Variants in CSF2RB observed in about 807,000 individuals in gnomAD.
CSF2RB encodes cytokine receptor common subunit beta.
CSF2RB carries 22 observed loss-of-function variants against 67.2 expected under a neutral mutation model. That is an observed-to-expected ratio of 0.33 (90% CI 0.23 to 0.47). The LOEUF is 0.47. Ranked by LOEUF, CSF2RB falls within the 20% of genes least tolerant of loss-of-function variation. The probability of loss-of-function intolerance (pLI) is 1.00; values close to 1 mark genes in which losing one functional copy is unlikely to be tolerated. For synonymous variants in CSF2RB, 507 were observed against 482.9 expected, an observed-to-expected ratio of 1.05 and a Z score of -0.65; for missense variants, 1,113 against 1,174.5, an observed-to-expected ratio of 0.95 and a Z score of 0.76.
chr22:36,935,727 G>T (rs762259670), intron 12 of CSF2RB, 40 bp downstream of exon 12: 2 of 1,586,822 alleles, frequency 1.3e-6, no homozygotes, highest in South Asian at 1.1e-5. Context: ...GGGCTTCTCT[G>T]TTCCTGCCTC....
Position 36,922,196 on chromosome 22 carries a change from C to T in CSF2RB, c.-12C>T, listed in dbSNP as rs376440903. ...AGTGCTGGTGCCTGCCTGTCCAGAG[C>T]TGACCAGGGAGATGGTGCTGGCCCA... On this transcript the variant is annotated 5_prime_UTR_variant, in exon 2 of 14. Coordinates refer to ENST00000403662, the MANE Select transcript of CSF2RB (RefSeq NM_000395.3). The T allele has an allele frequency of 2.5e-6, 4 of 1,579,904 alleles. No homozygotes were observed. The highest frequency in any genetic ancestry group is 3.4e-6 in the Non-Finnish European group (4 of 1,163,332).
chr22:36,916,864 TA>T (rs1940730153), intron 1 of CSF2RB, among the ~76,000 whole-genome samples: 1 of 151,990 alleles, frequency 6.6e-6, no homozygotes. Context: ...AACTCAAAAA[TA>T]AAAATAAAAA....
chr22:36,929,779 C>A lies in CSF2RB; in HGVS notation c.690C>A (p.Ser230Arg). ...TCTCAGGACGTCCCAGCAAGTGGAG[C>A]CCAGAGGTTTGCTGGGACTCCCAGC... ...SRLSGRPSKW[S>R]PEVCWDSQPG... Residue 230 changes from serine (S) to arginine (R), a missense_variant, in exon 6 of 14, where the codon AGC becomes AGA. Ser to Arg is a moderately radical substitution (Grantham distance 110). Transcript: ENST00000403662. 6.2e-7 allele frequency: 1 copy of A among 1,614,070 alleles called. No homozygotes were observed. The highest frequency in any genetic ancestry group is 8.5e-7 in the Non-Finnish European group (1 of 1,179,988).
chr22:36,919,328 C>G (rs972287522), intron 1 of CSF2RB, among the ~76,000 whole-genome samples: 7 of 152,174 alleles, frequency 4.6e-5, no homozygotes, highest in African/African-American at 1.7e-4. Flanking sequence ...ATCTCCTTGA[C>G]TATTTGCTCT....
At chr22:36,921,121 CTG>C (rs1215990299) in intron 1 of CSF2RB, among the ~76,000 whole-genome samples, 1 of 149,744 alleles carries the variant, frequency 6.7e-6, no homozygotes, top group South Asian at 2.1e-4. Flanking sequence ...ATGTGTGCCT[CTG>C]TGTGTGAATT....
At chr22:36,927,011 G>A (rs1941032210) in intron 4 of CSF2RB, among the ~76,000 whole-genome samples, 1 of 152,158 alleles carries the variant, frequency 6.6e-6, no homozygotes, top group Non-Finnish European at 1.5e-5. Flanking sequence ...CGGAGACAGA[G>A]GGAGGTGACT....
intron 6 of CSF2RB, 62 bp downstream of exon 6, chr22:36,929,869 T>G: frequency 6.4e-7 from 1 of 1,567,218 alleles, no homozygotes; most frequent in Non-Finnish European, 8.7e-7. Flanking sequence ...CAGGAGCTCC[T>G]GGCACAGCAG....
intron 4 of CSF2RB, among the ~76,000 whole-genome samples, chr22:36,928,314 G>T (rs1010286909): frequency 6.6e-6 from 1 of 152,162 alleles, no homozygotes; most frequent in Non-Finnish European, 1.5e-5. Context: ...AGTCTGCGCA[G>T]TTTGTGGCAG....
chr22:36,933,662 G>A (rs1037151167), intron 9 of CSF2RB, among the ~76,000 whole-genome samples, 170 bp from the exon 10 acceptor site: 1 of 152,216 alleles, frequency 6.6e-6, no homozygotes, highest in African/African-American at 2.4e-5. Flanking sequence ...CCGAAGTGCT[G>A]TCCGTGGGTG....
At chr22:36,927,248 T>C (rs940253110) in intron 4 of CSF2RB, among the ~76,000 whole-genome samples, 9 of 151,972 alleles carry the variant, frequency 5.9e-5, no homozygotes, top group African/African-American at 2.2e-4. Context: ...TTTCCACACA[T>C]GGGTTTGATG....
rs1376837975 is a variant in CSF2RB, at chr22:36,939,231, T to C, written c.*729T>C. 2.8e-6 allele frequency: 2 copies of C among 702,220 alleles called. No individual in the cohort carries two copies. Among genetic ancestry groups the C allele is most frequent in the Non-Finnish European group, 2.6e-6 (1 of 384,848 alleles). The allele number at this position is 702,220 out of a possible 1,614,324, so 43.5% of individuals were successfully genotyped here. A position where few individuals can be genotyped will look rare whatever the true frequency, so the allele number is the denominator to read the frequency against. On this transcript the variant is annotated 3_prime_UTR_variant, in exon 14 of 14. Transcript: ENST00000403662. ...GATGTCTGTGGGACCTCCAGTCCCT[T>C]GAGACCCCACGTCATGTAGAGAAGT...
Position 36,922,090 on chromosome 22 carries a change from T to C in CSF2RB, c.-118T>C. The C allele has an allele frequency of 1.1e-6, 1 of 913,482 alleles. No homozygotes were observed. The highest frequency in any genetic ancestry group is 1.7e-6 in the Non-Finnish European group (1 of 582,188). The allele number at this position is 913,482 out of a possible 1,614,324, so 56.6% of individuals were successfully genotyped here. On this transcript the variant is annotated 5_prime_UTR_variant, in exon 2 of 14. Coordinates refer to ENST00000403662, the MANE Select transcript of CSF2RB (RefSeq NM_000395.3). ...AGGTCCCAAGAGCCTGTGAAATGGG[T>C]CTGGCCTGGCTCCCAGCTGGGCAGG...
In CSF2RB at chr22:36,937,891, A is replaced by G; in HGVS notation, c.2083A>G (p.Ile695Val). Residue 695 changes from isoleucine (I) to valine (V), a missense_variant, in exon 14 of 14, where the codon ATA becomes GTA. By Grantham distance (29) the Ile-to-Val change is conservative. This residue lies in a region of CSF2RB where 554 missense variants were observed against 517.9 expected (regional missense o/e 1.07). Coordinates refer to ENST00000403662, the MANE Select transcript of CSF2RB (RefSeq NM_000395.3). This position sits in a 1 kb window ranked among gnomAD's most constrained non-coding sequence, Gnocchi z 4.6. ...GQDQKDSPVAIPMSSGDTEDP... is the reference protein window; with the variant it reads ...GQDQKDSPVAVPMSSGDTEDP... The stretch of plus-strand genomic sequence containing the variant: ...GGACCAAAAGGACAGCCCTGTGGCT[A>G]TACCCATGAGCTCTGGGGACACTGA... The G allele has an allele frequency of 6.2e-7, 1 of 1,614,120 alleles. No individual in the cohort carries two copies. The highest frequency in any genetic ancestry group is 2.2e-5 in the East Asian group (1 of 44,874).
At position 36,922,188 on chromosome 22, in the gene CSF2RB, G is replaced by C. The variant is rs375025845; in HGVS notation, c.-20G>C. On this transcript the variant is annotated 5_prime_UTR_variant, in exon 2 of 14. Transcript: ENST00000403662. ...CACCCACCAGTGCTGGTGCCTGCCTGTCCAGAGCTGACCAGGGAGATGGTG... is the reference window on the plus strand; with the variant it reads ...CACCCACCAGTGCTGGTGCCTGCCTCTCCAGAGCTGACCAGGGAGATGGTG... 6.4e-7 allele frequency: 1 copy of C among 1,572,750 alleles called. No individual in the cohort carries two copies. Among genetic ancestry groups the C allele is most frequent in the African/African-American group, 1.3e-5 (1 of 74,224 alleles).
chr22:36,914,425 C>G (rs960192201), intron 1 of CSF2RB, among the ~76,000 whole-genome samples: 1 of 152,098 alleles, frequency 6.6e-6, no homozygotes, highest in Admixed American at 6.5e-5. Context: ...CAGTCTCTCT[C>G]TCTGTCTGTC....
At chr22:36,920,517 C>G (rs1940832060) in intron 1 of CSF2RB, among the ~76,000 whole-genome samples, 1 of 152,220 alleles carries the variant, frequency 6.6e-6, no homozygotes, top group Admixed American at 6.5e-5. Flanking sequence ...GCCTCCAGAA[C>G]TATGAGAAAT....
intron 1 of CSF2RB, among the ~76,000 whole-genome samples, chr22:36,916,248 G>A (rs540641194): frequency 6.6e-6 from 1 of 152,134 alleles, no homozygotes; most frequent in Non-Finnish European, 1.5e-5. Context: ...TAAGATTACA[G>A]AAAGAGTTTT....
chr22:36,936,545 G>T lies in CSF2RB; in HGVS notation c.1465-4G>T. The T allele has an allele frequency of 2.5e-6, 4 of 1,612,454 alleles. No individual in the cohort carries two copies. Among genetic ancestry groups the T allele is most frequent in the Non-Finnish European group, 2.5e-6 (3 of 1,179,882 alleles). On this transcript the variant is annotated splice_region_variant and splice_polypyrimidine_tract_variant and intron_variant, in intron 12 of 13. Transcript: ENST00000403662. ...CACCGGCCCAAATGTCTCTGCTCTT[G>T]CAGAACGGGAGCGCAGAGCTTTGGC...
intron 1 of CSF2RB, among the ~76,000 whole-genome samples, chr22:36,920,720 C>A (rs575669767): frequency 2.6e-5 from 4 of 152,258 alleles, no homozygotes; most frequent in African/African-American, 4.8e-5. Context: ...GTCTCCTATG[C>A]TTTTAAGCTT....
Sources: allele counts gnomAD v4.1 joint callset (sites outside exome capture counted in the v4.1 genomes callset), GRCh38; gene constraint gnomAD v4.1.1; regional missense constraint gnomAD v4.1.1; non-coding constraint Gnocchi (gnomAD v3.1); transcripts MANE v1.5; gene names NCBI Gene and HGNC (gene_info 2026-07-23, HGNC 2026-07-21).